Variants in CDH13 observed in about 807,000 individuals in gnomAD.
The protein encoded by CDH13 is cadherin-13.
CDH13 carries 24 observed loss-of-function variants against 63.8 expected under a neutral mutation model. The ratio of observed to expected loss-of-function variants is 0.38; its 90% CI spans 0.27 to 0.53. The LOEUF (loss-of-function observed/expected upper bound fraction) is 0.53, where lower values mean the gene tolerates loss of function less well. Ranked by LOEUF, CDH13 falls within the 20% of genes least tolerant of loss-of-function variation. The pLI is 0.85. For missense variants in CDH13, 1,049 were observed against 903.1 expected (o/e 1.16, Z -2.07); for synonymous variants, 503 against 355.3 (o/e 1.42, Z -4.67).
intron 5 of CDH13, among the ~76,000 whole-genome samples, chr16:83,265,920 T>C (rs1373467220): frequency 6.6e-6 from 1 of 151,792 alleles, no homozygotes; most frequent in Non-Finnish European, 1.5e-5. Context: ...TCAGTATCTG[T>C]AGTTATTTTC....
chr16:82,780,981 G>T (rs1209826797), intron 1 of CDH13, among the ~76,000 whole-genome samples: 1 of 152,232 alleles, frequency 6.6e-6, no homozygotes, highest in African/African-American at 2.4e-5. Flanking sequence ...CACATTTGGG[G>T]TAGCTGTCCT....
intron 6 of CDH13, among the ~76,000 whole-genome samples, chr16:83,422,018 C>T (rs1266925587): frequency 1.3e-5 from 2 of 152,164 alleles, no homozygotes; most frequent in East Asian, 1.9e-4. Flanking sequence ...ATCTTTTTCT[C>T]ATATGAAAGT....
intron 3 of CDH13, among the ~76,000 whole-genome samples, chr16:83,120,773 T>A (rs887630839): frequency 2.5e-5 from 1 of 39,310 alleles, no homozygotes; most frequent in Non-Finnish European, 8.0e-5. Context: ...CTTTTTTTTT[T>A]TTTTTTCTGA....
intron 8 of CDH13, among the ~76,000 whole-genome samples, chr16:83,655,838 G>A (rs938939721): frequency 5.9e-5 from 9 of 152,194 alleles, no homozygotes; most frequent in African/African-American, 2.2e-4. Flanking sequence ...CTACTATGCA[G>A]AGGACAGGTT....
intron 5 of CDH13, among the ~76,000 whole-genome samples, chr16:83,288,242 C>T (rs1340746651): frequency 6.6e-6 from 1 of 152,204 alleles, no homozygotes; most frequent in East Asian, 1.9e-4. Context: ...AGCTAACTCA[C>T]TCTTAGCGCC....
intron 3 of CDH13, among the ~76,000 whole-genome samples, chr16:83,077,237 G>C (rs1420282149): frequency 8.9e-6 from 1 of 112,694 alleles, no homozygotes; most frequent in Admixed American, 1.3e-4. Context: ...CTGTCACCTA[G>C]GCTGGAGAAC....
intron 1 of CDH13, among the ~76,000 whole-genome samples, chr16:82,821,082 C>T (rs2037982446): frequency 6.6e-6 from 1 of 152,104 alleles, no homozygotes; most frequent in Non-Finnish European, 1.5e-5. Context: ...GGATGGGCTC[C>T]TGTGGAAGCT....
chr16:83,459,413 C>T (rs2073116222), intron 6 of CDH13, among the ~76,000 whole-genome samples: 1 of 152,232 alleles, frequency 6.6e-6, no homozygotes, highest in Admixed American at 6.5e-5. Context: ...CTTAACCTCA[C>T]ACTTCAGAAT....
intron 4 of CDH13, among the ~76,000 whole-genome samples, chr16:83,199,087 C>T (rs539044459): frequency 1.3e-5 from 2 of 152,238 alleles, no homozygotes; most frequent in African/African-American, 2.4e-5. Context: ...CAAATGGGCC[C>T]GGGTACATTT....
intron 4 of CDH13, among the ~76,000 whole-genome samples, chr16:83,174,092 C>T (rs1597464297): frequency 6.6e-6 from 1 of 152,056 alleles, no homozygotes; most frequent in East Asian, 1.9e-4. Context: ...TGAGGCTGGT[C>T]AGTATGAAGT....
chr16:83,364,359 T>C (rs2091219506), intron 6 of CDH13, among the ~76,000 whole-genome samples: 1 of 152,168 alleles, frequency 6.6e-6, no homozygotes, highest in African/African-American at 2.4e-5. Flanking sequence ...AACTGTACTG[T>C]GCAAGATACA....
At chr16:82,952,750 C>T (rs546075775) in intron 2 of CDH13, among the ~76,000 whole-genome samples, 11 of 152,308 alleles carry the variant, frequency 7.2e-5, no homozygotes, top group African/African-American at 2.6e-4. Context: ...GGTCCACTGT[C>T]CACCATTCTC....
intron 7 of CDH13, among the ~76,000 whole-genome samples, chr16:83,533,090 T>G (rs1036785502): frequency 6.6e-6 from 1 of 152,214 alleles, no homozygotes; most frequent in Non-Finnish European, 1.5e-5. Flanking sequence ...TATTACAGTC[T>G]ACCTCAACAT....
At chr16:83,015,453 C>G (rs1914663750) in intron 2 of CDH13, among the ~76,000 whole-genome samples, 1 of 151,320 alleles carries the variant, frequency 6.6e-6, no homozygotes. Flanking sequence ...TGCCTGATAT[C>G]TTCCCAGCAT....
intron 2 of CDH13, among the ~76,000 whole-genome samples, chr16:82,889,301 T>TCTCTCTCA (rs1491433919): frequency 1.9e-5 from 1 of 51,548 alleles, no homozygotes; most frequent in African/African-American, 4.6e-5. Context: ...CTCTCTATTA[T>TCTCTCTCA]CTCTCTCTCT....
intron 7 of CDH13, among the ~76,000 whole-genome samples, chr16:83,587,200 C>G (rs1906250002): frequency 6.6e-6 from 1 of 152,160 alleles, no homozygotes; most frequent in South Asian, 2.1e-4. Flanking sequence ...TGAATGGGAA[C>G]AGGTTCGAGG....
At chr16:83,750,243 C>G (rs975045503) in intron 11 of CDH13, among the ~76,000 whole-genome samples, 1 of 152,046 alleles carries the variant, frequency 6.6e-6, no homozygotes, top group Non-Finnish European at 1.5e-5. Flanking sequence ...TTGCAGTGAG[C>G]CGAGATTATG....
intron 4 of CDH13, among the ~76,000 whole-genome samples, chr16:83,203,298 G>C (rs1384995291): frequency 2.0e-5 from 3 of 152,180 alleles, no homozygotes; most frequent in African/African-American, 7.2e-5. Flanking sequence ...TGTGTGATGG[G>C]ATAATTAGAA....
At chr16:83,521,132 A>G (rs867322712) in intron 7 of CDH13, among the ~76,000 whole-genome samples, 3 of 152,272 alleles carry the variant, frequency 2.0e-5, no homozygotes, top group African/African-American at 7.2e-5. Context: ...ACAGTGCCAC[A>G]GTAAATGGAA....
Sources: gnomAD v4.1 joint callset for allele counts (sites outside exome capture counted in the v4.1 genomes callset) on GRCh38, gnomAD v4.1.1 for gene constraint, MANE v1.5 for transcripts, NCBI Gene and HGNC (gene_info 2026-07-23, HGNC 2026-07-21) for gene names.